Variants in POLR2G observed in about 807,000 individuals in gnomAD.
The protein encoded by POLR2G is RNA polymerase II subunit G.
POLR2G carries 19 observed loss-of-function variants against 25.7 expected under a neutral mutation model. The ratio of observed to expected loss-of-function variants is 0.74; its 90% CI spans 0.52 to 1.08. POLR2G has a LOEUF of 1.08. Among genes scored for constraint, POLR2G ranks in the 50% least tolerant of loss-of-function variants. POLR2G has a pLI of 0.00. For synonymous variants in POLR2G, 79 were observed against 76.0 expected (o/e 1.04, Z -0.21); for missense variants, 123 against 218.5 (o/e 0.56, Z 2.76).
intron 6 of POLR2G, among the ~76,000 whole-genome samples, 161 bp from the exon 7 acceptor site, chr11:62,766,082 T>C (rs569545751): frequency 6.6e-6 from 1 of 152,176 alleles, no homozygotes; most frequent in Non-Finnish European, 1.5e-5. Context: ...CCACCGCGCC[T>C]GGCCGAGAGC....
At chr11:62,763,094 C>T (rs192516918) in intron 3 of POLR2G, 68 bp downstream of exon 3, 1 of 824,526 alleles carries the variant, frequency 1.2e-6, no homozygotes, top group South Asian at 2.2e-5. Flanking sequence ...TCTGGCTCCA[C>T]TTCATAACTC....
chr11:62,761,598 C>G lies in POLR2G; in HGVS notation c.-51C>G. On this transcript the variant is annotated 5_prime_UTR_variant, in exon 1 of 8. Coordinates refer to ENST00000301788, the MANE Select transcript of POLR2G (RefSeq NM_002696.3). ...GGCGTCTAAGTGTTTCCGGTGGATT[C>G]CCAGGGACTGTCGGAGGTGTGGACT... 6.4e-7 allele frequency: 1 copy of G among 1,569,196 alleles called. No homozygotes were observed. Among genetic ancestry groups the G allele is most frequent in the Non-Finnish European group, 8.6e-7 (1 of 1,156,372 alleles).
At chr11:62,765,576 G>A in intron 5 of POLR2G, 77 bp from the exon 6 acceptor site, 1 of 1,153,884 alleles carries the variant, frequency 8.7e-7, no homozygotes, top group Non-Finnish European at 1.3e-6. Flanking sequence ...TATGCCCCCG[G>A]GCTTACAGTG....
At chr11:62,761,687 G>C (rs767795417) in intron 1 of POLR2G, 27 bp downstream of exon 1, 3 of 1,611,518 alleles carry the variant, frequency 1.9e-6, no homozygotes, top group Non-Finnish European at 2.5e-6. Context: ...GTGGCGGCAA[G>C]GGCTGGGTGG....
Position 62,765,144 on chromosome 11 carries a change from A to C in POLR2G, c.283-38A>C, listed in dbSNP as rs781280527. ...AGTGCTGGGATTACAGGCGTGAGCC[A>C]CCGTGCACGGCCGTAAGATCACTCA... On this transcript the variant is annotated intron_variant, in intron 3 of 7. Coordinates refer to ENST00000301788, the MANE Select transcript of POLR2G (RefSeq NM_002696.3). 2.5e-5 allele frequency: 40 copies of C among 1,591,206 alleles called. 1 individual carries two copies. In the South Asian group the frequency reaches 4.3e-4, roughly 17 times the overall value.
chr11:62,765,001 G>C (rs1182216667), intron 3 of POLR2G, among the ~76,000 whole-genome samples, 181 bp from the exon 4 acceptor site: 1 of 151,988 alleles, frequency 6.6e-6, no homozygotes, highest in East Asian at 1.9e-4. Context: ...TGGGATTAGA[G>C]GTGCACGCCA....
chr11:62,765,865 G>A (rs1422296508), intron 6 of POLR2G, 141 bp downstream of exon 6: 3 of 618,792 alleles, frequency 4.8e-6, no homozygotes, highest in Non-Finnish European at 8.6e-6. Context: ...TCGGCTCACT[G>A]CAAGCTCTGC....
rs1238525627 is a variant in POLR2G at position 62,763,152 on chromosome 11, T to TGA, written c.282+132_282+133dup. ...CACTTTTTTTTTTTTTTTTTTTTTT[T>TGA]GAGAGAGTTTTGCTCTGTTGCCCAG... On this transcript the variant is annotated intron_variant, in intron 3 of 7. Coordinates refer to ENST00000301788, the MANE Select transcript of POLR2G (RefSeq NM_002696.3). 2.0e-5 allele frequency: 11 copies of TGA among 550,046 alleles called. No homozygotes were observed. In the African/African-American group the frequency reaches 2.0e-4, roughly 10 times the overall value. 34.1% of individuals were successfully genotyped at this position (550,046 alleles called of 1,614,324 possible). A position where few individuals can be genotyped will look rare whatever the true frequency, so the allele number is the denominator to read the frequency against.
chr11:62,765,580 T>C (rs2084111462), intron 5 of POLR2G, 73 bp from the exon 6 acceptor site: 1 of 1,179,242 alleles, frequency 8.5e-7, no homozygotes, highest in Non-Finnish European at 1.3e-6. Flanking sequence ...CCCCCGGGCT[T>C]ACAGTGAAGT....
chr11:62,764,927 C>T (rs1440411858), intron 3 of POLR2G, among the ~76,000 whole-genome samples: 2 of 151,768 alleles, frequency 1.3e-5, no homozygotes, highest in African/African-American at 2.4e-5. Flanking sequence ...GGTGCAATCT[C>T]GGCTCACTGC....
At chr11:62,764,867 T>G (rs1171613115) in intron 3 of POLR2G, among the ~76,000 whole-genome samples, 1 of 150,290 alleles carries the variant, frequency 6.7e-6, no homozygotes, top group Admixed American at 6.6e-5. Flanking sequence ...ACTCTTTTGT[T>G]TTTTTTTTTT....
rs770244522 is a variant in POLR2G at position 62,763,065 on chromosome 11, CG to C, written c.282+41del. 16 of 1,443,042 alleles carry C rather than the reference CG, an allele frequency of 1.1e-5. No individual in the cohort carries two copies. The African/African-American group carries it at 2.3e-4, about 21-fold the overall frequency. The allele number at this position is 1,443,042 out of a possible 1,614,324, so 89.4% of individuals were successfully genotyped here. ...TAGGGGAGGCAGTGGGGTAGTCTCT[CG>C]GAAGATCTGGGTTGGGTTCTGGCTC... On this transcript the variant is annotated intron_variant, in intron 3 of 7. Transcript: ENST00000301788.
intron 6 of POLR2G, 65 bp downstream of exon 6, chr11:62,765,789 C>CTTTT: frequency 5.5e-6 from 4 of 730,558 alleles, no homozygotes; most frequent in South Asian, 1.6e-5. Flanking sequence ...TTTCTTTTTT[C>CTTTT]TTTTTTTTTT....
intron 3 of POLR2G, 102 bp downstream of exon 3, chr11:62,763,128 A>AATTT: frequency 2.4e-6 from 1 of 412,084 alleles, no homozygotes; most frequent in African/African-American, 2.5e-5. Flanking sequence ...AAGTCACTTC[A>AATTT]CTTTTTTTTT....
chr11:62,765,785 TTTTC>T (rs1377653389), intron 6 of POLR2G, 61 bp downstream of exon 6: 2 of 1,063,416 alleles, frequency 1.9e-6, no homozygotes, highest in East Asian at 2.4e-5. Flanking sequence ...TCGATTTCTT[TTTTC>T]TTTTTTTTTT....
At chr11:62,764,856 C>A (rs1189581017) in intron 3 of POLR2G, among the ~76,000 whole-genome samples, 1 of 151,824 alleles carries the variant, frequency 6.6e-6, no homozygotes, top group Non-Finnish European at 1.5e-5. Context: ...AAGGCAAGAT[C>A]ACTCTTTTGT....
At chr11:62,764,822 C>T (rs1376403688) in intron 3 of POLR2G, among the ~76,000 whole-genome samples, 2 of 151,892 alleles carry the variant, frequency 1.3e-5, no homozygotes, top group African/African-American at 4.8e-5. Context: ...AAAACAAAAA[C>T]ACAACACTTG....
intron 3 of POLR2G, among the ~76,000 whole-genome samples, 186 bp downstream of exon 3, chr11:62,763,212 A>C (rs1410604716): frequency 2.2e-5 from 3 of 133,990 alleles, no homozygotes; most frequent in African/African-American, 8.6e-5. Context: ...GGCCACTGCC[A>C]CCTCTGCCTC....
chr11:62,761,999 C>A, intron 2 of POLR2G, 95 bp downstream of exon 2: 1 of 927,838 alleles, frequency 1.1e-6, no homozygotes, highest in Non-Finnish European at 1.7e-6. Context: ...GTCCTGCCAC[C>A]CACTCTGGGG....
Sources: allele counts gnomAD v4.1 joint callset (sites outside exome capture counted in the v4.1 genomes callset), GRCh38; gene constraint gnomAD v4.1.1; transcripts MANE v1.5; gene names NCBI Gene and HGNC (gene_info 2026-07-23, HGNC 2026-07-21).